PDE8B: variants seen among roughly 807,000 people sequenced by gnomAD.
The protein encoded by PDE8B is high affinity cAMP-specific and IBMX-insensitive 3',5'-cyclic phosphodiesterase 8B.
In PDE8B, 26 loss-of-function variants were observed where a neutral mutation model predicts 101.3. The observed-to-expected ratio is 0.26, with a 90% CI of 0.19 to 0.36. The LOEUF (loss-of-function observed/expected upper bound fraction) is 0.36, where lower values mean the gene tolerates loss of function less well. PDE8B is among the 10% of genes least tolerant of loss of function. PDE8B has a pLI of 1.00. For missense variants in PDE8B, 810 were observed against 1,163.1 expected (o/e 0.70, Z 4.42); for synonymous variants, 424 against 429.3 (o/e 0.99, Z 0.15).
chr5:77,166,334 T>G, the PDE8B span, among the ~76,000 whole-genome samples: 1 of 151,948 alleles, frequency 6.6e-6, no homozygotes, highest in African/African-American at 2.4e-5. Flanking sequence ...CCGGCTTGTC[T>G]TCGGTACCAT....
chr5:77,420,233 G>A (rs1796352530), intron 19 of PDE8B, among the ~76,000 whole-genome samples: 1 of 152,122 alleles, frequency 6.6e-6, no homozygotes, highest in South Asian at 2.1e-4. Context: ...TGAGCTCTTG[G>A]AAAACCTCAA....
the PDE8B span, among the ~76,000 whole-genome samples, chr5:77,172,019 A>C: frequency 6.6e-6 from 1 of 152,122 alleles, no homozygotes; most frequent in East Asian, 1.9e-4. Flanking sequence ...TGCCAAAACA[A>C]CCCAAACTAC....
chr5:77,132,535 A>G, the PDE8B span, among the ~76,000 whole-genome samples: 4 of 152,086 alleles, frequency 2.6e-5, no homozygotes, highest in Non-Finnish European at 5.9e-5. Flanking sequence ...TTTCCATTTT[A>G]CCTATACTTG....
chr5:77,123,826 A>G, the PDE8B span, among the ~76,000 whole-genome samples: 1 of 152,218 alleles, frequency 6.6e-6, no homozygotes, highest in Non-Finnish European at 1.5e-5. Flanking sequence ...ACAACTTTCA[A>G]GGAAAGAATA....
intron 20 of PDE8B, among the ~76,000 whole-genome samples, chr5:77,425,187 G>GTCATA (rs1797765253): frequency 6.6e-6 from 1 of 152,136 alleles, no homozygotes; most frequent in Admixed American, 6.5e-5. Context: ...CTTTGACTTT[G>GTCATA]CAATGATAAA....
rs143140867 is a variant in PDE8B at position 77,240,546 on chromosome 5, A to G, written c.339+29282A>G. On this transcript the variant is annotated intron_variant, in intron 1 of 21. Coordinates refer to ENST00000264917, the MANE Select transcript of PDE8B (RefSeq NM_003719.5). ...GTAGAAAGAAAGTAGAAACCATAAGATAACCTAGTGTACATCTGCCTTGTC... is the reference window on the plus strand; with the variant it reads ...GTAGAAAGAAAGTAGAAACCATAAGGTAACCTAGTGTACATCTGCCTTGTC... Among the ~76,000 whole-genome samples the G allele has an allele frequency of 7.8e-3, 1,185 of 152,370 alleles. 5 individuals carry two copies. The highest frequency in any genetic ancestry group is 0.013 in the Non-Finnish European group (880 of 68,036).
chr5:77,301,365 T>C (rs1449929234), intron 1 of PDE8B, among the ~76,000 whole-genome samples: 1 of 152,206 alleles, frequency 6.6e-6, no homozygotes, highest in African/African-American at 2.4e-5. Flanking sequence ...ATCAAATCTA[T>C]TTACCAGAAC....
At chr5:77,229,605 G>A (rs953057935) in intron 1 of PDE8B, among the ~76,000 whole-genome samples, 11 of 151,750 alleles carry the variant, frequency 7.2e-5, no homozygotes, top group Admixed American at 3.3e-4. Context: ...CCACCCCTCC[G>A]CACTCCTACC....
chr5:77,256,436 T>G lies in PDE8B; in HGVS notation c.339+45172T>G, dbSNP rs527517192. 3.3e-5 allele frequency among the ~76,000 whole-genome samples: 5 copies of G among 152,350 alleles called. No homozygotes were observed. The South Asian group carries it at 1.0e-3, about 32-fold the overall frequency. On this transcript the variant is annotated intron_variant, in intron 1 of 21. Coordinates refer to ENST00000264917, the MANE Select transcript of PDE8B (RefSeq NM_003719.5). ...CTACTTCAGTGCATCTGAATCCAGC[T>G]CATTCTTTTTAAGAAAACATAATAT...
the PDE8B span, among the ~76,000 whole-genome samples, chr5:77,191,219 A>C: frequency 6.9e-6 from 1 of 145,194 alleles, no homozygotes; most frequent in Non-Finnish European, 1.5e-5. Context: ...CCTATCTTCA[A>C]ATATAGTCAT....
At chr5:77,223,932 T>G (rs1580409066) in intron 1 of PDE8B, among the ~76,000 whole-genome samples, 3 of 152,188 alleles carry the variant, frequency 2.0e-5, no homozygotes, top group Non-Finnish European at 2.9e-5. Flanking sequence ...TCTCTGGATG[T>G]TACTGCTTTA....
the PDE8B span, among the ~76,000 whole-genome samples, chr5:77,184,543 C>T: frequency 0.014 from 2,198 of 152,246 alleles, 46 homozygotes; most frequent in African/African-American, 0.05. Context: ...AAAACAACAA[C>T]TTAGTATGAT....
chr5:77,196,694 G>T, the PDE8B span, among the ~76,000 whole-genome samples: 1 of 152,106 alleles, frequency 6.6e-6, no homozygotes, highest in Non-Finnish European at 1.5e-5. Context: ...TTTGGATAAT[G>T]ATGGCCTTAT....
At chr5:77,391,344 C>T (rs1434465531) in intron 10 of PDE8B, among the ~76,000 whole-genome samples, 1 of 152,162 alleles carries the variant, frequency 6.6e-6, no homozygotes, top group African/African-American at 2.4e-5. Context: ...ATCATTAAGT[C>T]GGTCCCACAA....
chr5:77,378,041 CA>C (rs2150755999), intron 10 of PDE8B, among the ~76,000 whole-genome samples: 1 of 136,832 alleles, frequency 7.3e-6, no homozygotes, highest in East Asian at 2.0e-4. Context: ...CACACACACA[CA>C]CACACACCCC....
chr5:77,268,038 A>G (rs865861762), intron 1 of PDE8B, among the ~76,000 whole-genome samples: 12 of 138,556 alleles, frequency 8.7e-5, no homozygotes, highest in Admixed American at 1.4e-4. Context: ...TTAACAGGTT[A>G]AAAAAAAAAA....
the PDE8B span, among the ~76,000 whole-genome samples, chr5:77,124,348 G>A: frequency 1.3e-5 from 2 of 152,136 alleles, no homozygotes; most frequent in African/African-American, 4.8e-5. Flanking sequence ...CCAGCTCTCT[G>A]GGAGGCTGAG....
At chr5:77,114,662 A>T in the PDE8B span, 9 of 151,792 alleles carry the variant, frequency 5.9e-5, no homozygotes, top group African/African-American at 1.5e-4. Context: ...AAAGTATATT[A>T]AAAAAAAAGA....
rs1779550411 is a variant in PDE8B, at chr5:77,343,322, T to G, written c.798-1531T>G. On this transcript the variant is annotated intron_variant, in intron 6 of 21. Coordinates refer to ENST00000264917, the MANE Select transcript of PDE8B (RefSeq NM_003719.5). The stretch of plus-strand genomic sequence containing the variant: ...TTGTCATTGTGCAAACATCATAGAG[T>G]GTACTTACACAAGCCTACGTGGTAT... 2.0e-5 allele frequency among the ~76,000 whole-genome samples: 3 copies of G among 152,202 alleles called. No individual in the cohort carries two copies. The South Asian group carries it at 6.2e-4, about 32-fold the overall frequency.
Sources: gnomAD v4.1 joint callset for allele counts (sites outside exome capture counted in the v4.1 genomes callset) on GRCh38, gnomAD v4.1.1 for gene constraint, MANE v1.5 for transcripts, NCBI Gene and HGNC (gene_info 2026-07-23, HGNC 2026-07-21) for gene names.